The following BRD10 variants were observed in gnomAD, a reference collection of about 807,000 sequenced individuals.
The protein encoded by BRD10 is bromodomain containing 10, also known as uncharacterized bromodomain-containing protein 10.
At chr9:5,954,958 C>T in the BRD10 span, among the ~76,000 whole-genome samples, 4 of 151,926 alleles carry the variant, frequency 2.6e-5, no homozygotes, top group South Asian at 2.1e-4. Flanking sequence ...TGTGGTGGTG[C>T]GTGCCTGTAA....
At chr9:5,991,118 A>C in the BRD10 span, among the ~76,000 whole-genome samples, 1 of 152,294 alleles carries the variant, frequency 6.6e-6, no homozygotes, top group East Asian at 1.9e-4. Context: ...GTTTCTGAAC[A>C]AAATATATTT....
the BRD10 span, among the ~76,000 whole-genome samples, chr9:5,896,962 C>T: frequency 6.6e-5 from 10 of 152,352 alleles, no homozygotes; most frequent in Middle Eastern, 0.01. Context: ...ATAATTGAGA[C>T]GGATTCAGGT....
chr9:5,941,151 C>T, the BRD10 span, among the ~76,000 whole-genome samples: 350 of 152,004 alleles, frequency 2.3e-3, 4 homozygotes, highest in Non-Finnish European at 1.2e-3. Context: ...ATAAGTTTGG[C>T]GAAATCTTCC....
At chr9:5,926,571 G>T in the BRD10 span, among the ~76,000 whole-genome samples, 2 of 151,946 alleles carry the variant, frequency 1.3e-5, no homozygotes, top group Non-Finnish European at 2.9e-5. Context: ...TCACTCTGTT[G>T]CCCAGGCCAG....
the BRD10 span, chr9:5,892,459 G>A: frequency 1.2e-4 from 188 of 1,611,064 alleles, no homozygotes; most frequent in Non-Finnish European, 4.3e-5. Context: ...GGTGTCCTGT[G>A]CCCTGACCCT....
chr9:5,981,548 ACTAT>A, the BRD10 span, among the ~76,000 whole-genome samples: 6,716 of 152,190 alleles, frequency 0.044, 382 homozygotes, highest in African/African-American at 0.13. Context: ...AGAGACCTGG[ACTAT>A]CTATCTATCT....
At chr9:5,998,725 T>G in the BRD10 span, among the ~76,000 whole-genome samples, 1 of 152,082 alleles carries the variant, frequency 6.6e-6, no homozygotes, top group African/African-American at 2.4e-5. Flanking sequence ...ATTTATATAC[T>G]CTTCTCATGA....
At chr9:5,899,584 GT>G in the BRD10 span, among the ~76,000 whole-genome samples, 2 of 152,180 alleles carry the variant, frequency 1.3e-5, no homozygotes, top group Non-Finnish European at 2.9e-5. Flanking sequence ...GGGTTAGAAA[GT>G]TAGGGATAGA....
the BRD10 span, among the ~76,000 whole-genome samples, chr9:5,880,897 G>A: frequency 6.6e-6 from 1 of 152,006 alleles, no homozygotes; most frequent in Non-Finnish European, 1.5e-5. Flanking sequence ...TAGACATGGG[G>A]TTTCATCATG....
At chr9:6,007,384 T>G in the BRD10 span, 2 of 1,611,418 alleles carry the variant, frequency 1.2e-6, no homozygotes, top group Non-Finnish European at 1.7e-6. Flanking sequence ...ACACATGCCC[T>G]GTCCGGGCTG....
chr9:6,007,536 GC>G, the BRD10 span: 1 of 1,613,102 alleles, frequency 6.2e-7, no homozygotes, highest in Non-Finnish European at 8.5e-7. Context: ...CGCCCAGGAT[GC>G]GGTAGCCCTG....
the BRD10 span, among the ~76,000 whole-genome samples, chr9:5,935,754 A>C: frequency 6.6e-6 from 1 of 152,224 alleles, no homozygotes; most frequent in Admixed American, 6.5e-5. Flanking sequence ...AAAAGCAGGG[A>C]CAGTATCCTA....
chr9:5,890,129 C>G, the BRD10 span, among the ~76,000 whole-genome samples: 4 of 152,132 alleles, frequency 2.6e-5, no homozygotes, highest in African/African-American at 4.8e-5. Flanking sequence ...AATAGGGAAC[C>G]CAGTTTAGTT....
chr9:5,992,560 G>A, the BRD10 span, among the ~76,000 whole-genome samples: 869 of 152,006 alleles, frequency 5.7e-3, 9 homozygotes, highest in African/African-American at 0.02. Context: ...TAGCTCTCCC[G>A]TTGCAAAAAT....
At chr9:5,962,112 A>C in the BRD10 span, among the ~76,000 whole-genome samples, 1 of 152,182 alleles carries the variant, frequency 6.6e-6, no homozygotes, top group Non-Finnish European at 1.5e-5. Flanking sequence ...TCTTGTGGGC[A>C]TTTAGTGCTA....
At chr9:5,912,689 C>T in the BRD10 span, among the ~76,000 whole-genome samples, 2 of 152,136 alleles carry the variant, frequency 1.3e-5, no homozygotes, top group Non-Finnish European at 2.9e-5. Flanking sequence ...AACCTGAACT[C>T]AGGAAAATGA....
chr9:6,005,037 T>C, the BRD10 span, among the ~76,000 whole-genome samples: 1 of 152,118 alleles, frequency 6.6e-6, no homozygotes. Context: ...CCTAAGAATG[T>C]CAGAAATACA....
At chr9:5,935,976 T>G in the BRD10 span, among the ~76,000 whole-genome samples, 2 of 152,238 alleles carry the variant, frequency 1.3e-5, no homozygotes, top group Non-Finnish European at 2.9e-5. Context: ...CTTGATGACT[T>G]GGGTCATCAT....
At chr9:5,899,503 G>C in the BRD10 span, among the ~76,000 whole-genome samples, 1 of 152,206 alleles carries the variant, frequency 6.6e-6, no homozygotes, top group South Asian at 2.1e-4. Context: ...CTGACATCTA[G>C]TGGGAAGGAG....
Sources: gnomAD v4.1 joint callset for allele counts (sites outside exome capture counted in the v4.1 genomes callset) on GRCh38, gnomAD v4.1.1 for gene constraint, MANE v1.5 for transcripts, NCBI Gene and HGNC (gene_info 2026-07-23, HGNC 2026-07-21) for gene names.